Variants in SH3D19 observed in about 807,000 individuals in gnomAD.
SH3D19 encodes the protein SH3 domain containing 19.
A neutral mutation model predicts 112.1 loss-of-function variants in SH3D19; 58 were observed. The observed-to-expected ratio is 0.52, with a 90% CI of 0.42 to 0.64. SH3D19 has a LOEUF of 0.64. SH3D19 is among the 30% of genes least tolerant of loss of function. The pLI is 0.00. For missense variants in SH3D19, 1,090 were observed against 1,263.4 expected (o/e 0.86, Z 2.08); for synonymous variants, 391 against 448.5 (o/e 0.87, Z 1.62).
intron 11 of SH3D19, among the ~76,000 whole-genome samples, chr4:151,147,029 T>C (rs1375779371): frequency 6.6e-6 from 1 of 152,224 alleles, no homozygotes; most frequent in East Asian, 1.9e-4. Flanking sequence ...AAGAACTTTC[T>C]ACTTCATTTT....
At chr4:151,261,058 C>G (rs1432344478) in intron 1 of SH3D19, 1 of 152,186 alleles carries the variant, frequency 6.6e-6, no homozygotes, top group Non-Finnish European at 1.5e-5. Context: ...CACACCCCTA[C>G]ACACCCCTTA....
chr4:151,300,136 G>A (rs530213107), intron 1 of SH3D19, among the ~76,000 whole-genome samples: 45 of 152,096 alleles, frequency 3.0e-4, no homozygotes, highest in Non-Finnish European at 5.7e-4. Flanking sequence ...AGGAGGCGGA[G>A]GTTGCAGTGA....
chr4:151,315,268 T>C (rs1302826187), intron 1 of SH3D19, among the ~76,000 whole-genome samples: 1 of 152,176 alleles, frequency 6.6e-6, no homozygotes, highest in Non-Finnish European at 1.5e-5. Context: ...AAAAACACAC[T>C]GAAAACAACT....
intron 1 of SH3D19, among the ~76,000 whole-genome samples, chr4:151,303,493 TTTTC>T (rs2126338515): frequency 1.3e-5 from 2 of 152,342 alleles, no homozygotes; most frequent in African/African-American, 4.8e-5. Context: ...TTAAATTTAT[TTTTC>T]TTTAATTTTG....
intron 1 of SH3D19, among the ~76,000 whole-genome samples, chr4:151,247,354 C>A (rs1205829528): frequency 6.6e-6 from 1 of 152,136 alleles, no homozygotes; most frequent in African/African-American, 2.4e-5. Flanking sequence ...GGTAGAATTT[C>A]TTTGCAAACT....
At chr4:151,314,969 C>T (rs1484444059) in intron 1 of SH3D19, among the ~76,000 whole-genome samples, 1 of 152,100 alleles carries the variant, frequency 6.6e-6, no homozygotes, top group Non-Finnish European at 1.5e-5. Flanking sequence ...TCCTGGCAAC[C>T]CCATTCAACA....
At chr4:151,243,806 T>C (rs1212657714) in intron 1 of SH3D19, among the ~76,000 whole-genome samples, 1 of 152,226 alleles carries the variant, frequency 6.6e-6, no homozygotes, top group Non-Finnish European at 1.5e-5. Context: ...TTGCTATTCT[T>C]GGATATAAGC....
intron 1 of SH3D19, among the ~76,000 whole-genome samples, chr4:151,255,353 C>T (rs1310029596): frequency 1.4e-5 from 2 of 138,188 alleles, no homozygotes; most frequent in Admixed American, 7.2e-5. Flanking sequence ...CAGACAGGGT[C>T]GCGGCCGGGC....
intron 1 of SH3D19, among the ~76,000 whole-genome samples, chr4:151,268,316 G>A (rs935288455): frequency 2.0e-5 from 3 of 152,118 alleles, no homozygotes; most frequent in African/African-American, 7.2e-5. Context: ...AATGGAGCTT[G>A]CGGGAATAGA....
intron 9 of SH3D19, among the ~76,000 whole-genome samples, chr4:151,153,392 G>C (rs546400866): frequency 6.6e-6 from 1 of 151,622 alleles, no homozygotes; most frequent in East Asian, 2.0e-4. Context: ...GATTACAGGC[G>C]TGCTCCACCA....
chr4:151,262,051 T>C (rs1772419389), intron 1 of SH3D19, among the ~76,000 whole-genome samples: 1 of 152,244 alleles, frequency 6.6e-6, no homozygotes, highest in Non-Finnish European at 1.5e-5. Flanking sequence ...TAAATCCGCA[T>C]TCTGTTTTGG....
intron 2 of SH3D19, among the ~76,000 whole-genome samples, chr4:151,202,887 T>A (rs1764596568): frequency 6.6e-6 from 1 of 152,202 alleles, no homozygotes. Context: ...CAGACAAATA[T>A]TCTGACCATT....
chr4:151,229,811 G>C (rs757797463), intron 1 of SH3D19, among the ~76,000 whole-genome samples: 1 of 152,046 alleles, frequency 6.6e-6, no homozygotes, highest in Non-Finnish European at 1.5e-5. Flanking sequence ...GCTACTCTGC[G>C]GGCTGAGGTG....
intron 1 of SH3D19, among the ~76,000 whole-genome samples, chr4:151,263,994 A>G (rs1378045492): frequency 6.6e-6 from 1 of 152,146 alleles, no homozygotes; most frequent in Non-Finnish European, 1.5e-5. Flanking sequence ...TTGTGGAGAC[A>G]AAGTCTTGTC....
chr4:151,273,208 T>G (rs1054348781), intron 1 of SH3D19, among the ~76,000 whole-genome samples: 1 of 152,004 alleles, frequency 6.6e-6, no homozygotes, highest in African/African-American at 2.4e-5. Context: ...TACAAAACAT[T>G]TAAACAAAGG....
intron 1 of SH3D19, among the ~76,000 whole-genome samples, chr4:151,246,970 T>A (rs1770989250): frequency 6.6e-6 from 1 of 152,198 alleles, no homozygotes; most frequent in African/African-American, 2.4e-5. Flanking sequence ...TTGCCCAAGG[T>A]CATGGAGCTA....
At chr4:151,230,986 A>C (rs752428611) in intron 1 of SH3D19, among the ~76,000 whole-genome samples, 3 of 152,196 alleles carry the variant, frequency 2.0e-5, no homozygotes, top group African/African-American at 7.2e-5. Flanking sequence ...GTTAAGTTCC[A>C]GCTTGGGAGT....
chr4:151,160,187 C>G (rs192502860), intron 8 of SH3D19, among the ~76,000 whole-genome samples: 1 of 151,572 alleles, frequency 6.6e-6, no homozygotes, highest in African/African-American at 2.4e-5. Context: ...CCTGAGTTCA[C>G]GCCATTCTCC....
intron 16 of SH3D19, 94 bp downstream of exon 16, chr4:151,132,940 G>T: frequency 9.6e-7 from 1 of 1,038,624 alleles, no homozygotes; most frequent in South Asian, 1.7e-5. Context: ...TAAAAATATG[G>T]CAATATGGAT....
Sources: allele counts gnomAD v4.1 joint callset (sites outside exome capture counted in the v4.1 genomes callset), GRCh38; gene constraint gnomAD v4.1.1; transcripts MANE v1.5; gene names NCBI Gene and HGNC (gene_info 2026-07-23, HGNC 2026-07-21).